Variants in ADAMTSL3 observed in about 807,000 individuals in gnomAD.
ADAMTSL3 encodes ADAMTS like 3, also known as ADAMTS-like protein 3.
A neutral mutation model predicts 201.7 loss-of-function variants in ADAMTSL3; 128 were observed. The ratio of observed to expected loss-of-function variants is 0.63; its 90% confidence interval spans 0.55 to 0.73. The LOEUF (loss-of-function observed/expected upper bound fraction) is 0.73. Among genes scored for constraint, ADAMTSL3 ranks in the 30% least tolerant of loss-of-function variants. The pLI is 0.00. For missense variants in ADAMTSL3, 1,990 were observed against 2,119.6 expected, an observed-to-expected ratio of 0.94 and a Z score of 1.20; for synonymous variants, 738 against 748.4, an observed-to-expected ratio of 0.99 and a Z score of 0.23.
chr15:83,954,052 G>A (rs1396532089), intron 19 of ADAMTSL3, among the ~76,000 whole-genome samples: 1 of 152,072 alleles, frequency 6.6e-6, no homozygotes, highest in Non-Finnish European at 1.5e-5. Context: ...TAACCTTCTT[G>A]CACTTGAATG....
In ADAMTSL3 at chr15:83,819,922, G is replaced by T; in HGVS notation, c.475G>T (p.Ala159Ser). ...EWLPRYNDPA[A>S]PCALKCHAQG... Reference sequence around the variant, plus strand: ...GCTTCCACGATATAATGATCCTGCTGCCCCGTGTGCACTCAAGTGTCATGC... The same window carrying T: ...GCTTCCACGATATAATGATCCTGCTTCCCCGTGTGCACTCAAGTGTCATGC... The change falls in exon 6 of 30, where the codon GCC becomes TCC. Residue 159 changes from alanine (A) to serine (S), a missense_variant. By Grantham distance (99) the Ala-to-Ser change is moderately conservative (BLOSUM62 1). Coordinates refer to ENST00000286744, the MANE Select transcript of ADAMTSL3 (RefSeq NM_207517.3). 4 of 1,614,090 alleles carry T rather than the reference G, an allele frequency of 2.5e-6. No homozygotes were observed. The highest frequency in any genetic ancestry group is 3.4e-6 in the Non-Finnish European group (4 of 1,180,006).
intron 23 of ADAMTSL3, among the ~76,000 whole-genome samples, chr15:84,007,035 G>A (rs1191060180): frequency 6.6e-6 from 1 of 152,178 alleles, no homozygotes; most frequent in African/African-American, 2.4e-5. Flanking sequence ...TCCCAAAGTA[G>A]ATGAAATGGC....
chr15:84,015,492 T>C (rs1321602087), intron 24 of ADAMTSL3, among the ~76,000 whole-genome samples: 1 of 152,186 alleles, frequency 6.6e-6, no homozygotes, highest in Non-Finnish European at 1.5e-5. Flanking sequence ...ATACTTATGA[T>C]AGCACAGTGT....
intron 15 of ADAMTSL3, among the ~76,000 whole-genome samples, chr15:83,903,957 A>AGGG (rs2065785180): frequency 1.5e-5 from 1 of 66,060 alleles, no homozygotes; most frequent in African/African-American, 7.1e-5. Flanking sequence ...AAAAAGAAAG[A>AGGG]AAGAAAGAAA....
intron 4 of ADAMTSL3, among the ~76,000 whole-genome samples, chr15:83,795,328 A>G (rs988793193): frequency 6.6e-6 from 1 of 152,332 alleles, no homozygotes; most frequent in East Asian, 1.9e-4. Context: ...AGGGAAATCC[A>G]TGGGGCCAAA....
chr15:83,723,984 G>A (rs2062136734), intron 3 of ADAMTSL3, among the ~76,000 whole-genome samples: 4 of 151,844 alleles, frequency 2.6e-5, no homozygotes, highest in Admixed American at 2.6e-4. Context: ...AAAGGATTGG[G>A]GGAATGGACA....
chr15:84,001,972 A>G (rs543924105), intron 23 of ADAMTSL3, among the ~76,000 whole-genome samples: 1 of 152,318 alleles, frequency 6.6e-6, no homozygotes, highest in East Asian at 1.9e-4. Context: ...ATTTGCCCCA[A>G]ATCTCTTTGG....
In ADAMTSL3 at chr15:83,722,956, A is replaced by G. The variant is rs1181529806; in HGVS notation, c.189+18448A>G. On this transcript the variant is annotated intron_variant, in intron 3 of 29. Transcript: ENST00000286744. ...CCAAATTTCTGATGGAGAAGCTTCA[A>G]ATGAATGGAAAGTAAAATGTATTGA... Among the ~76,000 whole-genome samples the G allele has an allele frequency of 3.9e-5, 6 of 152,202 alleles. No homozygotes were observed. In the South Asian group the frequency reaches 6.2e-4, roughly 16 times the overall value.
At position 83,969,108 on chromosome 15, in the gene ADAMTSL3, A is replaced by G. The variant is rs140733354; in HGVS notation, c.2491-1376A>G. Reference sequence around the variant, plus strand: ...CATGGCACATGTGGACCTGTATAACAAACCTGCACATTCTACACATGTATC... The same window carrying G: ...CATGGCACATGTGGACCTGTATAACGAACCTGCACATTCTACACATGTATC... On this transcript the variant is annotated intron_variant, in intron 19 of 29. Coordinates refer to ENST00000286744, the MANE Select transcript of ADAMTSL3 (RefSeq NM_207517.3). 1.8e-4 allele frequency among the ~76,000 whole-genome samples: 28 copies of G among 152,268 alleles called. No individual in the cohort carries two copies. In the East Asian group the frequency reaches 5.4e-3, roughly 29 times the overall value.
intron 3 of ADAMTSL3, among the ~76,000 whole-genome samples, chr15:83,756,092 A>G (rs1365049946): frequency 2.0e-5 from 3 of 152,234 alleles, no homozygotes; most frequent in Non-Finnish European, 4.4e-5. Context: ...GTATATACAC[A>G]GCAGTGGAAT....
chr15:83,821,721 C>T (rs1247483734), intron 6 of ADAMTSL3, among the ~76,000 whole-genome samples: 14 of 152,278 alleles, frequency 9.2e-5, no homozygotes, highest in Admixed American at 7.2e-4. Flanking sequence ...ACAAAACCGC[C>T]GTTGTCGTCA....
At position 83,708,509 on chromosome 15, in the gene ADAMTSL3, GCTT is replaced by G. The variant is rs146561788; in HGVS notation, c.189+4004_189+4006del. Among the ~76,000 whole-genome samples, 1,427 of 152,324 alleles carry G rather than the reference GCTT, an allele frequency of 9.4e-3. 27 individuals are homozygous for G. The highest frequency in any genetic ancestry group is 0.032 in the African/African-American group (1,350 of 41,564). ...ATGGATCATACGGAGGGCCGCGGCA[GCTT>G]CTAGTGAAGAAAGTGGTCTGAAGCC... On this transcript the variant is annotated intron_variant, in intron 3 of 29. Coordinates refer to ENST00000286744, the MANE Select transcript of ADAMTSL3 (RefSeq NM_207517.3).
intron 4 of ADAMTSL3, among the ~76,000 whole-genome samples, chr15:83,794,318 A>G (rs969266993): frequency 6.6e-6 from 1 of 152,228 alleles, no homozygotes; most frequent in Non-Finnish European, 1.5e-5. Flanking sequence ...TTTTTCTCAG[A>G]TAAATGAAGA....
chr15:83,754,984 A>G (rs766112340), intron 3 of ADAMTSL3, among the ~76,000 whole-genome samples: 10 of 152,176 alleles, frequency 6.6e-5, no homozygotes, highest in Non-Finnish European at 1.5e-4. Context: ...ATGTTATTAT[A>G]TATGCTAATT....
intron 15 of ADAMTSL3, among the ~76,000 whole-genome samples, chr15:83,909,847 C>T (rs1366224835): frequency 6.6e-6 from 1 of 152,108 alleles, no homozygotes; most frequent in Non-Finnish European, 1.5e-5. Flanking sequence ...AACTCCTGAC[C>T]TCAGGTTATC....
intron 2 of ADAMTSL3, among the ~76,000 whole-genome samples, chr15:83,678,422 TC>T (rs112707955): frequency 0.85 from 128,194 of 151,248 alleles, 54,745 homozygotes; most frequent in East Asian, 0.96. Context: ...GGCTAAGAGT[TC>T]CCCTCTCTTT....
rs116943902 is a variant in ADAMTSL3 at position 83,889,831 on chromosome 15, G to A, written c.1073-278G>A. 3.1e-3 allele frequency among the ~76,000 whole-genome samples: 472 copies of A among 152,250 alleles called. 1 individual carries two copies. The highest frequency in any genetic ancestry group is 0.01 in the South Asian group (49 of 4,818). ...AATTGTCGTTCTCAATTTTGGCCAC[G>A]CATTTTAGTCATCTGAGAAGAACCT... On this transcript the variant is annotated intron_variant, in intron 10 of 29. Transcript: ENST00000286744.
intron 4 of ADAMTSL3, among the ~76,000 whole-genome samples, chr15:83,788,053 G>A (rs2063292063): frequency 6.6e-6 from 1 of 152,018 alleles, no homozygotes; most frequent in African/African-American, 2.4e-5. Flanking sequence ...GTAATATACA[G>A]CAATTATTTT....
intron 7 of ADAMTSL3, among the ~76,000 whole-genome samples, chr15:83,841,910 G>A (rs982268601): frequency 6.6e-6 from 1 of 151,854 alleles, no homozygotes; most frequent in Non-Finnish European, 1.5e-5. Flanking sequence ...AGAACACACA[G>A]ACGCCGACAG....
Sources: allele counts gnomAD v4.1 joint callset (sites outside exome capture counted in the v4.1 genomes callset), GRCh38; gene constraint gnomAD v4.1.1; transcripts MANE v1.5; gene names NCBI Gene and HGNC (gene_info 2026-07-23, HGNC 2026-07-21).